STAT2: variants seen among roughly 807,000 people sequenced by gnomAD.
STAT2 encodes the protein signal transducer and activator of transcription 2, also known as interferon alpha induced transcriptional activator.
STAT2 carries 51 observed loss-of-function variants against 122.3 expected under a neutral mutation model. That is an observed-to-expected ratio of 0.42 (90% CI 0.33 to 0.53). The LOEUF is 0.53. Among genes scored for constraint, STAT2 ranks in the 20% least tolerant of loss-of-function variants. STAT2 has a pLI of 0.10. For synonymous variants in STAT2, 351 were observed against 394.9 expected (o/e 0.89, Z 1.32); for missense variants, 736 against 1,010.3 (o/e 0.73, Z 3.68).
rs575284381 is a variant in STAT2, at chr12:56,355,800, A to T, written c.289T>A (p.Phe97Ile). The T allele has an allele frequency of 6.2e-7, 1 of 1,613,778 alleles. No individual in the cohort carries two copies. Among genetic ancestry groups the T allele is most frequent in the East Asian group, 2.2e-5 (1 of 44,884 alleles). The stretch of plus-strand genomic sequence containing the variant: ...GCCAACTGGGTAGGATCCTGGGAAA[A>T]GGGCTAGAATAGGTAAACAGAAAGG... Reference protein sequence around the residue: ...LRKFCRDIQPFSQDPTQLAEM... With the variant: ...LRKFCRDIQPISQDPTQLAEM... The change falls in exon 4 of 24, where the codon TTT becomes ATT. Residue 97 changes from phenylalanine (F) to isoleucine (I), a missense_variant. By Grantham distance (21) the Phe-to-Ile change is conservative (BLOSUM62 0). Coordinates refer to ENST00000314128, the MANE Select transcript of STAT2 (RefSeq NM_005419.4).
Position 56,356,261 on chromosome 12 carries a change from A to G in STAT2, c.156T>C (p.Asp52=). ...AGAATAGCATGGTAGCCTTGGAATC[A>G]TCACTCCCAAGTGCAGCTTCCTGCC... The part of the protein sequence containing the change: ...QNWQEAALGS[D]DSKATMLFFH... Residue 52 remains aspartate, a synonymous_variant, in exon 3 of 24, where the codon GAT becomes GAC. Transcript: ENST00000314128. 1 of 1,612,232 alleles carries G rather than the reference A, an allele frequency of 6.2e-7. No individual in the cohort carries two copies. The highest frequency in any genetic ancestry group is 8.5e-7 in the Non-Finnish European group (1 of 1,180,032).
chr12:56,355,046 A>T (rs1879292684), intron 6 of STAT2, 183 bp from the exon 7 acceptor site: 1 of 729,556 alleles, frequency 1.4e-6, no homozygotes, highest in African/African-American at 1.8e-5. Context: ...CACCCCCTCA[A>T]ATAAAACACT....
At chr12:56,351,048 C>G in intron 10 of STAT2, 50 bp downstream of exon 10, 1 of 1,598,640 alleles carries the variant, frequency 6.3e-7, no homozygotes, top group Non-Finnish European at 8.6e-7. Context: ...AGAAAATACA[C>G]AGTGGCAGGG....
intron 20 of STAT2, 54 bp from the exon 21 acceptor site, chr12:56,346,678 A>C: frequency 6.2e-7 from 1 of 1,607,434 alleles, no homozygotes; most frequent in Non-Finnish European, 8.5e-7. Context: ...CGGGCCTTGG[A>C]GCTCTCTGCT....
intron 8 of STAT2, 21 bp downstream of exon 8, chr12:56,354,445 G>A: frequency 6.2e-7 from 1 of 1,614,018 alleles, no homozygotes; most frequent in African/African-American, 1.3e-5. Context: ...CGAGGACGAG[G>A]GTTGGGGTGG....
At chr12:56,351,548 C>T in intron 8 of STAT2, 98 bp from the exon 9 acceptor site, 1 of 1,309,174 alleles carries the variant, frequency 7.6e-7, no homozygotes. Flanking sequence ...GAGTCAGAAA[C>T]TGACTGGGGG....
intron 8 of STAT2, among the ~76,000 whole-genome samples, chr12:56,354,016 A>AAAAAAAAAATAT (rs71081350): frequency 8.4e-4 from 14 of 16,694 alleles, no homozygotes; most frequent in African/African-American, 1.5e-3. Context: ...AAAAAAAAAA[A>AAAAAAAAAATAT]ATATATATAT....
Position 56,342,950 on chromosome 12 carries a change from G to A in STAT2, c.*439C>T, listed in dbSNP as rs1251022733. 6.4e-6 allele frequency: 1 copy of A among 155,594 alleles called. No homozygotes were observed. The highest frequency in any genetic ancestry group is 1.4e-5 in the Non-Finnish European group (1 of 70,536). 9.6% of individuals were successfully genotyped at this position (155,594 alleles called of 1,614,324 possible). A position where few individuals can be genotyped will look rare whatever the true frequency, so the allele number is the denominator to read the frequency against. ...CAAGTTATCCTAGACATGAAGGAATGGAAGAAAGAAATGGAGTCCTATCCT... is the reference window on the plus strand; with the variant it reads ...CAAGTTATCCTAGACATGAAGGAATAGAAGAAAGAAATGGAGTCCTATCCT... On this transcript the variant is annotated 3_prime_UTR_variant, in exon 24 of 24. Coordinates refer to ENST00000314128, the MANE Select transcript of STAT2 (RefSeq NM_005419.4).
intron 23 of STAT2, 44 bp from the exon 24 acceptor site, chr12:56,343,575 G>C (rs766771688): frequency 6.3e-7 from 1 of 1,598,826 alleles, no homozygotes; most frequent in Non-Finnish European, 8.5e-7. Context: ...TCTTAGTTAG[G>C]AGTTCCCAAC....
At chr12:56,345,409 G>A (rs1196566376) in intron 22 of STAT2, among the ~76,000 whole-genome samples, 3 of 136,408 alleles carry the variant, frequency 2.2e-5, no homozygotes, top group African/African-American at 5.6e-5. Context: ...GCTGAGGCAG[G>A]AGCATTGCTT....
chr12:56,351,581 A>T, intron 8 of STAT2, 131 bp from the exon 9 acceptor site: 1 of 953,466 alleles, frequency 1.0e-6, no homozygotes. Flanking sequence ...AGAATCCAGG[A>T]AGCATATAAA....
chr12:56,348,492 G>C, intron 19 of STAT2, 37 bp downstream of exon 19: 1 of 1,609,130 alleles, frequency 6.2e-7, no homozygotes, highest in East Asian at 2.2e-5. Flanking sequence ...AGCCCGGAAA[G>C]CACAAGCCCA....
chr12:56,357,597 G>A lies in STAT2; in HGVS notation c.-7-1019C>T, dbSNP rs573016831. Among the ~76,000 whole-genome samples the A allele has an allele frequency of 5.3e-5, 8 of 151,952 alleles. 1 individual carries two copies. The highest frequency in any genetic ancestry group is 2.6e-4 in the Admixed American group (4 of 15,252). On this transcript the variant is annotated intron_variant, in intron 1 of 23. Coordinates refer to ENST00000314128, the MANE Select transcript of STAT2 (RefSeq NM_005419.4). The stretch of plus-strand genomic sequence containing the variant: ...CCTGAACTCGTGATCTGCCTACCTC[G>A]GCCTTCCAAAGTGCTGGGATTACAG...
At chr12:56,358,135 G>A (rs1879798410) in intron 1 of STAT2, among the ~76,000 whole-genome samples, 1 of 151,512 alleles carries the variant, frequency 6.6e-6, no homozygotes, top group Non-Finnish European at 1.5e-5. Context: ...GCATTTATGT[G>A]TGTGTTTGTT....
chr12:56,353,045 A>G (rs1192769507), intron 8 of STAT2, among the ~76,000 whole-genome samples: 1 of 150,668 alleles, frequency 6.6e-6, no homozygotes, highest in African/African-American at 2.4e-5. Flanking sequence ...GTACAGTGGC[A>G]TGATCACAGC....
intron 10 of STAT2, 102 bp downstream of exon 10, chr12:56,350,996 G>T (rs775745667): frequency 2.4e-5 from 38 of 1,565,696 alleles, no homozygotes; most frequent in Non-Finnish European, 3.3e-5. Context: ...AGATTGCAGG[G>T]AAAGAGAAGA....
intron 13 of STAT2, 89 bp downstream of exon 13, chr12:56,350,008 C>T: frequency 8.4e-7 from 1 of 1,187,888 alleles, no homozygotes; most frequent in Admixed American, 2.0e-5. Flanking sequence ...AAGATGGCAC[C>T]ACTGCACTCC....
At chr12:56,353,589 C>T (rs1184409348) in intron 8 of STAT2, among the ~76,000 whole-genome samples, 1 of 151,904 alleles carries the variant, frequency 6.6e-6, no homozygotes, top group Non-Finnish European at 1.5e-5. Flanking sequence ...AAAAAGGTAA[C>T]AAGAAATTGA....
At chr12:56,343,650 G>C in intron 23 of STAT2, 119 bp from the exon 24 acceptor site, 3 of 1,520,980 alleles carry the variant, frequency 2.0e-6, no homozygotes, top group Non-Finnish European at 2.7e-6. Flanking sequence ...GGAACTTGTG[G>C]GATGAAAGAG....
Sources: gnomAD v4.1 joint callset for allele counts (sites outside exome capture counted in the v4.1 genomes callset) on GRCh38, gnomAD v4.1.1 for gene constraint, MANE v1.5 for transcripts, NCBI Gene and HGNC (gene_info 2026-07-23, HGNC 2026-07-21) for gene names.